DGKG: variants seen among roughly 807,000 people sequenced by gnomAD.
DGKG encodes the protein diacylglycerol kinase gamma.
Under a neutral mutation model 105.3 loss-of-function variants are expected in DGKG, and 78 were observed. The observed-to-expected ratio is 0.74, with a 90% CI of 0.62 to 0.89. DGKG has a LOEUF of 0.89. Among genes scored for constraint, DGKG ranks in the 40% least tolerant of loss-of-function variants. The pLI is 0.00. For missense variants in DGKG, 958 were observed against 1,020.1 expected (o/e 0.94, Z 0.83); for synonymous variants, 346 against 367.1 (o/e 0.94, Z 0.66).
Position 186,325,111 on chromosome 3 carries a change from G to A in DGKG, c.-248-4404C>T, listed in dbSNP as rs183683951. Among the ~76,000 whole-genome samples the A allele has an allele frequency of 2.2e-3, 337 of 152,282 alleles. 3 individuals carry two copies. The highest frequency in any genetic ancestry group is 7.5e-3 in the African/African-American group (311 of 41,556). ...TCCAAAATGAATTAACACAGGAATAGAAAATACCAAATACCAAATAGAAAA... is the reference window on the plus strand; with the variant it reads ...TCCAAAATGAATTAACACAGGAATAAAAAATACCAAATACCAAATAGAAAA... On this transcript the variant is annotated intron_variant, in intron 1 of 24. Transcript: ENST00000265022.
At chr3:186,163,531 G>A (rs1029051445) in intron 23 of DGKG, among the ~76,000 whole-genome samples, 2 of 152,132 alleles carry the variant, frequency 1.3e-5, no homozygotes, top group South Asian at 2.1e-4. Context: ...ATCTTCTGAT[G>A]TGATGATTCT....
chr3:186,212,138 T>A (rs1311040809), intron 20 of DGKG, among the ~76,000 whole-genome samples: 1 of 152,204 alleles, frequency 6.6e-6, no homozygotes, highest in Non-Finnish European at 1.5e-5. Context: ...TCCCCGAGTT[T>A]CCTGGTCAGA....
intron 15 of DGKG, 70 bp from the exon 16 acceptor site, chr3:186,260,583 A>T (rs1721722534): frequency 8.2e-7 from 1 of 1,226,550 alleles, no homozygotes; most frequent in African/African-American, 1.5e-5. Context: ...GAGAAGTCAC[A>T]TTAGGGCAAA....
At chr3:186,242,381 G>T in intron 20 of DGKG, 123 bp downstream of exon 20, 3 of 716,716 alleles carry the variant, frequency 4.2e-6, no homozygotes, top group Middle Eastern at 4.1e-4. Context: ...CTTCCGGCAA[G>T]TGGCAGGAAG....
At chr3:186,222,947 G>A (rs1317790445) in intron 20 of DGKG, among the ~76,000 whole-genome samples, 3 of 143,316 alleles carry the variant, frequency 2.1e-5, no homozygotes, top group Non-Finnish European at 3.0e-5. Flanking sequence ...GCGACAGAGT[G>A]AGACTCTGTC....
intron 9 of DGKG, among the ~76,000 whole-genome samples, chr3:186,277,385 C>T (rs562890477): frequency 6.6e-6 from 1 of 152,312 alleles, no homozygotes; most frequent in Non-Finnish European, 1.5e-5. Context: ...TGGAGAAGTT[C>T]GGTAACTAGC....
chr3:186,183,165 C>T (rs1717439714), intron 22 of DGKG, among the ~76,000 whole-genome samples: 1 of 152,122 alleles, frequency 6.6e-6, no homozygotes, highest in Non-Finnish European at 1.5e-5. Context: ...CAGTAGACTC[C>T]CTAACGCATT....
At chr3:186,190,512 C>T (rs1717855541) in intron 21 of DGKG, among the ~76,000 whole-genome samples, 1 of 152,156 alleles carries the variant, frequency 6.6e-6, no homozygotes, top group Non-Finnish European at 1.5e-5. Context: ...TTATCCTTAT[C>T]CTTATTATCC....
intron 2 of DGKG, among the ~76,000 whole-genome samples, chr3:186,311,419 T>C (rs541096048): frequency 1.1e-3 from 165 of 152,316 alleles, no homozygotes; most frequent in Non-Finnish European, 2.1e-3. Context: ...GGTCAACTTG[T>C]TCAGCTGCTT....
intron 20 of DGKG, among the ~76,000 whole-genome samples, chr3:186,213,077 T>G (rs1200871892): frequency 6.6e-6 from 1 of 152,230 alleles, no homozygotes; most frequent in Non-Finnish European, 1.5e-5. Context: ...GAAACTGTGT[T>G]CTTCCATTGT....
At chr3:186,233,510 C>T (rs913729379) in intron 20 of DGKG, among the ~76,000 whole-genome samples, 1 of 152,162 alleles carries the variant, frequency 6.6e-6, no homozygotes, top group African/African-American at 2.4e-5. Flanking sequence ...GACGGAGTCT[C>T]GCTCTGTCGC....
chr3:186,292,712 T>C (rs1723366631), intron 5 of DGKG, among the ~76,000 whole-genome samples: 1 of 151,938 alleles, frequency 6.6e-6, no homozygotes, highest in African/African-American at 2.4e-5. Context: ...GAGAATCACT[T>C]GAACGCGGGA....
At chr3:186,339,185 G>A (rs1376643299) in intron 1 of DGKG, among the ~76,000 whole-genome samples, 2 of 152,162 alleles carry the variant, frequency 1.3e-5, no homozygotes, top group East Asian at 1.9e-4. Flanking sequence ...CAAGCTTTTA[G>A]TATGTTTAAA....
chr3:186,299,056 C>T (rs758910970), intron 3 of DGKG, among the ~76,000 whole-genome samples: 40 of 152,192 alleles, frequency 2.6e-4, no homozygotes, highest in Admixed American at 3.3e-4. Flanking sequence ...AGCAGCTATG[C>T]CAGAAAGGGC....
At chr3:186,221,025 G>A (rs542004855) in intron 20 of DGKG, among the ~76,000 whole-genome samples, 89 of 152,316 alleles carry the variant, frequency 5.8e-4, no homozygotes, top group Middle Eastern at 6.8e-3. Flanking sequence ...ACGTGTGCAC[G>A]TGCGGGCACA....
In DGKG at chr3:186,320,348, G is replaced by A. The variant is rs1371289000; in HGVS notation, c.67+45C>T. 1.9e-6 allele frequency: 3 copies of A among 1,611,638 alleles called. No homozygotes were observed. In the South Asian group the frequency reaches 3.3e-5, roughly 18 times the overall value. On this transcript the variant is annotated intron_variant, in intron 2 of 24. Coordinates refer to ENST00000265022, the MANE Select transcript of DGKG (RefSeq NM_001346.3). ...ATGCTTTCCAGAAATGATTTCTCCA[G>A]CCAAGAAGAAATCCCGTCCCAGGGC...
At chr3:186,350,863 T>C (rs935572320) in intron 1 of DGKG, among the ~76,000 whole-genome samples, 3 of 152,240 alleles carry the variant, frequency 2.0e-5, no homozygotes, top group African/African-American at 7.2e-5. Context: ...GATGCTGAGC[T>C]TTTCATGTGC....
At chr3:186,277,338 A>G (rs1233913398) in intron 9 of DGKG, among the ~76,000 whole-genome samples, 1 of 152,230 alleles carries the variant, frequency 6.6e-6, no homozygotes, top group African/African-American at 2.4e-5. Flanking sequence ...GGAAGGAGGT[A>G]GATTTGTTCC....
In DGKG at chr3:186,257,944, G is replaced by A; in HGVS notation, c.1425-5C>T. On this transcript the variant is annotated splice_region_variant and splice_polypyrimidine_tract_variant and intron_variant, in intron 16 of 24. Transcript: ENST00000265022. ...GTATCACGGAAAAAGTTCAACCTGGGAAGAAGAAGAAAGGCCAAAATGGGC... is the reference window on the plus strand; with the variant it reads ...GTATCACGGAAAAAGTTCAACCTGGAAAGAAGAAGAAAGGCCAAAATGGGC... 6.2e-7 allele frequency: 1 copy of A among 1,612,958 alleles called. No individual in the cohort carries two copies. The highest frequency in any genetic ancestry group is 8.5e-7 in the Non-Finnish European group (1 of 1,178,998).
Sources: allele counts gnomAD v4.1 joint callset (sites outside exome capture counted in the v4.1 genomes callset), GRCh38; gene constraint gnomAD v4.1.1; transcripts MANE v1.5; gene names NCBI Gene and HGNC (gene_info 2026-07-23, HGNC 2026-07-21).